Variants in SDHA observed in about 807,000 individuals in gnomAD.
SDHA encodes succinate dehydrogenase complex flavoprotein subunit A, also known as succinate dehydrogenase [ubiquinone] flavoprotein subunit, mitochondrial.
In SDHA, 48 loss-of-function variants were observed where a neutral mutation model predicts 78.4. That is an observed-to-expected ratio of 0.61 (90% CI 0.49 to 0.78). The LOEUF (loss-of-function observed/expected upper bound fraction) is 0.78. Among genes scored for constraint, SDHA ranks in the 30% least tolerant of loss-of-function variants. SDHA has a pLI of 0.00. For synonymous variants in SDHA, 326 were observed against 353.9 expected, an observed-to-expected ratio of 0.92 and a Z score of 0.88; for missense variants, 680 against 892.7, an observed-to-expected ratio of 0.76 and a Z score of 3.04.
chr5:225,282 G>A lies in SDHA; in HGVS notation c.313-137G>A, dbSNP rs1734940641. 1.2e-5 allele frequency: 13 copies of A among 1,087,274 alleles called. No individual in the cohort carries two copies. The South Asian group carries it at 1.7e-4, about 14-fold the overall frequency. 67.4% of individuals were successfully genotyped at this position (1,087,274 alleles called of 1,614,324 possible). ...ATCTGTCGGGTCTCGCTGCTCCTCTGCTGAGGTCAGCCCTCACTGGGAGTC... is the reference window on the plus strand; with the variant it reads ...ATCTGTCGGGTCTCGCTGCTCCTCTACTGAGGTCAGCCCTCACTGGGAGTC... On this transcript the variant is annotated intron_variant, in intron 3 of 14. Transcript: ENST00000264932.
rs371838015 is a variant in SDHA, at chr5:227,220, G to A, written c.622-965G>A. 4.6e-5 allele frequency among the ~76,000 whole-genome samples: 7 copies of A among 152,238 alleles called. No homozygotes were observed. In the East Asian group the frequency reaches 7.8e-4, roughly 17 times the overall value. Reference sequence around the variant, plus strand: ...GAGACAGGGTTTCCCATGTTGCCCAGGCTGGTCCCGAACTCCTGAGCTCAG... The same window carrying A: ...GAGACAGGGTTTCCCATGTTGCCCAAGCTGGTCCCGAACTCCTGAGCTCAG... On this transcript the variant is annotated intron_variant, in intron 5 of 14. Transcript: ENST00000264932.
downstream of SDHA, among the ~76,000 whole-genome samples, chr5:257,229 A>G (rs1287020497): frequency 1.3e-5 from 2 of 152,186 alleles, no homozygotes; most frequent in East Asian, 3.9e-4. Flanking sequence ...GGGGTCCCCA[A>G]TCCCCAGGCC....
At chr5:225,022 T>C (rs1208055554) in intron 3 of SDHA, among the ~76,000 whole-genome samples, 1 of 152,186 alleles carries the variant, frequency 6.6e-6, no homozygotes, top group African/African-American at 2.4e-5. Context: ...TTCTAGTCTT[T>C]AACACATGCC....
intron 13 of SDHA, chr5:253,075 T>C (rs897739613): frequency 1.3e-5 from 2 of 152,278 alleles, no homozygotes; most frequent in African/African-American, 4.8e-5. Context: ...TGTTGGATTC[T>C]GCCTGGTAAG....
At chr5:256,149 A>C (rs956766223) in intron 14 of SDHA, among the ~76,000 whole-genome samples, 185 bp from the exon 15 acceptor site, 3 of 152,254 alleles carry the variant, frequency 2.0e-5, no homozygotes, top group African/African-American at 7.2e-5. Context: ...TTAAACATAA[A>C]GTGTCTTGGT....
At chr5:222,469 T>A (rs1248686927) in intron 1 of SDHA, among the ~76,000 whole-genome samples, 2 of 151,064 alleles carry the variant, frequency 1.3e-5, no homozygotes, top group African/African-American at 2.4e-5. Flanking sequence ...TGCCTCAGCC[T>A]CCCAAGTAGC....
chr5:249,593 T>G (rs533378629), intron 11 of SDHA: 1 of 152,558 alleles, frequency 6.6e-6, no homozygotes, highest in African/African-American at 2.4e-5. Context: ...CATCCTTTTG[T>G]TTCCCGTAAG....
chr5:248,033 T>C (rs537577827), intron 11 of SDHA, among the ~76,000 whole-genome samples: 5 of 152,364 alleles, frequency 3.3e-5, no homozygotes, highest in African/African-American at 1.2e-4. Context: ...CCAGATCTTA[T>C]CAGCAGCTGA....
In SDHA at chr5:238,537, T is replaced by C. The variant is rs530340590; in HGVS notation, c.1433-1821T>C. Among the ~76,000 whole-genome samples, 10 of 152,188 alleles carry C rather than the reference T, an allele frequency of 6.6e-5. No homozygotes were observed. In the South Asian group the frequency reaches 2.1e-3, roughly 32 times the overall value. On this transcript the variant is annotated intron_variant, in intron 10 of 14. Transcript: ENST00000264932. Reference sequence around the variant, plus strand: ...TGCACACCACCACACCTGGCTAATTTTTAAAAATGTTTTGTAGGGACAGGG... The same window carrying C: ...TGCACACCACCACACCTGGCTAATTCTTAAAAATGTTTTGTAGGGACAGGG...
chr5:244,462 A>G (rs1464374829), intron 11 of SDHA, among the ~76,000 whole-genome samples: 3 of 152,062 alleles, frequency 2.0e-5, no homozygotes, highest in Non-Finnish European at 4.4e-5. Flanking sequence ...ATTGTGCCAT[A>G]TGTGGAAATG....
rs578207449 is a variant in SDHA, at chr5:232,410, G to T, written c.896-1067G>T. 3.0e-4 allele frequency among the ~76,000 whole-genome samples: 46 copies of T among 152,210 alleles called. No homozygotes were observed. The South Asian group carries it at 9.3e-3, about 31-fold the overall frequency. ...GGGTTTTTTCGTTTTTGGTAGAGAC[G>T]GGATGTCACCGTTTTGCCCAGGCTG... On this transcript the variant is annotated intron_variant, in intron 7 of 14. Coordinates refer to ENST00000264932, the MANE Select transcript of SDHA (RefSeq NM_004168.4).
the SDHA span, among the ~76,000 whole-genome samples, chr5:265,460 G>T: frequency 6.6e-6 from 1 of 152,122 alleles, no homozygotes; most frequent in African/African-American, 2.4e-5. Context: ...GGTACCTAGG[G>T]CACTAACTCC....
chr5:227,386 A>G (rs1469936487), intron 5 of SDHA, among the ~76,000 whole-genome samples: 1 of 152,266 alleles, frequency 6.6e-6, no homozygotes, highest in African/African-American at 2.4e-5. Context: ...ATCAGAGTCA[A>G]CTTTGGCATG....
chr5:264,981 A>G, the SDHA span, among the ~76,000 whole-genome samples: 35,070 of 150,666 alleles, frequency 0.23, 5,898 homozygotes, highest in African/African-American at 0.51. Flanking sequence ...GCCGAGGTGG[A>G]CAGATCACCT....
intron 1 of SDHA, among the ~76,000 whole-genome samples, chr5:221,400 T>A (rs1197394945): frequency 6.6e-6 from 1 of 152,194 alleles, no homozygotes; most frequent in Non-Finnish European, 1.5e-5. Flanking sequence ...CAGTCGTGCG[T>A]TTTTAGGTTC....
intron 11 of SDHA, among the ~76,000 whole-genome samples, chr5:244,533 G>A (rs1391559515): frequency 6.6e-6 from 1 of 152,114 alleles, no homozygotes; most frequent in East Asian, 1.9e-4. Context: ...AGGCAAAGCA[G>A]CCTATTGGGT....
At chr5:245,019 G>C (rs981175611) in intron 11 of SDHA, among the ~76,000 whole-genome samples, 1 of 152,210 alleles carries the variant, frequency 6.6e-6, no homozygotes, top group African/African-American at 2.4e-5. Context: ...CCATTGTTAA[G>C]CTTCCAGAAC....
rs1560994934 is a variant in SDHA at position 233,622 on chromosome 5, G to A, written c.1041G>A (p.Met347Ile). 1.9e-6 allele frequency: 3 copies of A among 1,613,944 alleles called. No individual in the cohort carries two copies. In the Admixed American group the frequency reaches 5.0e-5, roughly 27 times the overall value. ...LASRDVVSRS[M>I]TLEIREGRGC... ...CTAGAGATGTGGTGTCTCGGTCCAT[G>A]ACTCTGGAGATCCGAGAAGGAAGGT... Residue 347 changes from methionine (M) to isoleucine (I), a missense_variant, in exon 8 of 15, where the codon ATG (methionine) becomes ATA (isoleucine). Transcript: ENST00000264932.
intron 2 of SDHA, among the ~76,000 whole-genome samples, 200 bp from the exon 3 acceptor site, chr5:224,160 C>G (rs1012927468): frequency 8.5e-5 from 13 of 152,222 alleles, no homozygotes; most frequent in Non-Finnish European, 1.6e-4. Context: ...TTCGTAGAAT[C>G]TGATTGTCAG....
Sources: gnomAD v4.1 joint callset for allele counts (sites outside exome capture counted in the v4.1 genomes callset) on GRCh38, gnomAD v4.1.1 for gene constraint, MANE v1.5 for transcripts, NCBI Gene and HGNC (gene_info 2026-07-23, HGNC 2026-07-21) for gene names.